The following ADA2 variants were observed in gnomAD, a reference collection of about 807,000 sequenced individuals.
ADA2 encodes adenosine deaminase CECR1.
Under a neutral mutation model 44.2 loss-of-function variants are expected in ADA2, and 29 were observed. The ratio of observed to expected loss-of-function variants is 0.66; its 90% confidence interval spans 0.49 to 0.89. ADA2 has a LOEUF of 0.89. ADA2 is among the 40% of genes least tolerant of loss of function. The pLI, the probability that ADA2 is intolerant of heterozygous loss-of-function variation, is 0.00. For synonymous variants in ADA2, 215 were observed against 234.9 expected, an observed-to-expected ratio of 0.92 and a Z score of 0.77; for missense variants, 637 against 644.8, an observed-to-expected ratio of 0.99 and a Z score of 0.13.
chr22:17,185,007 T>TATATATATATATATA (rs1568969005), intron 7 of ADA2, among the ~76,000 whole-genome samples: 1 of 136,558 alleles, frequency 7.3e-6, no homozygotes, highest in Non-Finnish European at 1.6e-5. Context: ...TATATATATA[T>TATATATATATATATA]GAAAACTCCA....
intron 2 of ADA2, among the ~76,000 whole-genome samples, chr22:17,208,759 C>T (rs1162306329): frequency 6.6e-6 from 1 of 151,904 alleles, no homozygotes; most frequent in African/African-American, 2.4e-5. Flanking sequence ...GCCAAGATCA[C>T]ACCAGTGCAC....
chr22:17,199,654 A>C, intron 4 of ADA2: 1 of 1,612,560 alleles, frequency 6.2e-7, no homozygotes, highest in South Asian at 1.1e-5. Flanking sequence ...GGCTATTAGG[A>C]CGCTCAGAGA....
chr22:17,205,787 T>C (rs2062347897), intron 3 of ADA2, among the ~76,000 whole-genome samples: 1 of 152,150 alleles, frequency 6.6e-6, no homozygotes, highest in Non-Finnish European at 1.5e-5. Flanking sequence ...AAGACCAGCC[T>C]GGGCAACACG....
chr22:17,202,053 G>C, intron 4 of ADA2, among the ~76,000 whole-genome samples: 1 of 137,548 alleles, frequency 7.3e-6, no homozygotes, highest in Non-Finnish European at 1.5e-5. Flanking sequence ...CTCACTGCAA[G>C]CTCCTCCCCC....
intron 5 of ADA2, among the ~76,000 whole-genome samples, chr22:17,191,415 G>A (rs76251083): frequency 0.013 from 1,905 of 152,306 alleles, 43 homozygotes; most frequent in African/African-American, 0.043. Flanking sequence ...GGTCACAGCC[G>A]AGAATTATCT....
In ADA2 at chr22:17,181,775, G is replaced by A. The variant is rs553791075; in HGVS notation, c.1442+45C>T. ...CTCCAGAGAGGCAAACACAAGCTGC[G>A]GGCTGGAAGGAGGCGGGGGACCTGG... On this transcript the variant is annotated intron_variant, in intron 9 of 9. Transcript: ENST00000399837. 6.1e-5 allele frequency: 93 copies of A among 1,527,274 alleles called. No homozygotes were observed. In the East Asian group the frequency reaches 8.5e-4, roughly 14 times the overall value. 94.6% of individuals were successfully genotyped at this position (1,527,274 alleles called of 1,614,324 possible). A position where few individuals can be genotyped will look rare whatever the true frequency, so the allele number is the denominator to read the frequency against.
chr22:17,209,112 G>GAAT (rs1257475776), intron 2 of ADA2, among the ~76,000 whole-genome samples: 1 of 152,058 alleles, frequency 6.6e-6, no homozygotes, highest in Non-Finnish European at 1.5e-5. Context: ...ACTAAAAAGG[G>GAAT]AATAGCAAAG....
intron 7 of ADA2, 85 bp downstream of exon 7, chr22:17,188,254 G>C (rs2062061822): frequency 7.5e-6 from 7 of 929,902 alleles, no homozygotes; most frequent in Non-Finnish European, 1.2e-5. Context: ...ACGCCTGTAG[G>C]CTCTAACCCT....
upstream of ADA2, among the ~76,000 whole-genome samples, chr22:17,220,906 G>A (rs910712772): frequency 1.3e-5 from 2 of 152,198 alleles, no homozygotes; most frequent in African/African-American, 2.4e-5. Flanking sequence ...GGGCTCAGTG[G>A]TGCATGCCTG....
intron 1 of ADA2, among the ~76,000 whole-genome samples, chr22:17,218,193 T>C (rs945030957): frequency 1.3e-5 from 2 of 152,228 alleles, no homozygotes; most frequent in African/African-American, 4.8e-5. Flanking sequence ...TGTTGAAAAA[T>C]TTTTAAGTTA....
At chr22:17,203,826 C>A in intron 3 of ADA2, 53 bp from the exon 4 acceptor site, 1 of 1,283,728 alleles carries the variant, frequency 7.8e-7, no homozygotes, top group South Asian at 1.2e-5. Context: ...GGACACTGCC[C>A]CCGGGCGCCC....
At chr22:17,199,808 A>C in intron 4 of ADA2, 1 of 1,363,378 alleles carries the variant, frequency 7.3e-7, no homozygotes, top group African/African-American at 1.5e-5. Context: ...ATAGCTGGGC[A>C]TGGCTCGCGT....
intron 5 of ADA2, among the ~76,000 whole-genome samples, chr22:17,190,324 C>A (rs547637645): frequency 2.0e-5 from 3 of 152,114 alleles, no homozygotes; most frequent in African/African-American, 7.2e-5. Flanking sequence ...TATTTGTCTG[C>A]GTTTAGAGGA....
At chr22:17,218,111 T>C (rs2062490192) in intron 1 of ADA2, among the ~76,000 whole-genome samples, 1 of 152,194 alleles carries the variant, frequency 6.6e-6, no homozygotes, top group Non-Finnish European at 1.5e-5. Flanking sequence ...ATAGGGGTTA[T>C]GTTGACAGAT....
In ADA2 at chr22:17,181,441, G is replaced by A. The variant is rs368638454; in HGVS notation, c.*42C>T. On this transcript the variant is annotated 3_prime_UTR_variant, in exon 10 of 10. Transcript: ENST00000399837. ...AGAACGAGTGAGAGGAAGTGACAGCGTGTGCAAGAAGACAGCTTGTAGAGG... is the reference window on the plus strand; with the variant it reads ...AGAACGAGTGAGAGGAAGTGACAGCATGTGCAAGAAGACAGCTTGTAGAGG... 32 of 1,243,682 alleles carry A rather than the reference G, an allele frequency of 2.6e-5. No individual in the cohort carries two copies. The highest frequency in any genetic ancestry group is 1.2e-4 in the South Asian group (10 of 83,438). The allele number at this position is 1,243,682 out of a possible 1,614,324, so 77.0% of individuals were successfully genotyped here.
At chr22:17,214,111 G>C in intron 1 of ADA2, 1 of 704,628 alleles carries the variant, frequency 1.4e-6, no homozygotes. Context: ...CAGACACCTG[G>C]ACACACTCAC....
At chr22:17,193,624 C>T (rs564962831) in intron 4 of ADA2, among the ~76,000 whole-genome samples, 9 of 147,950 alleles carry the variant, frequency 6.1e-5, no homozygotes, top group South Asian at 4.3e-4. Context: ...GCCAAGATCG[C>T]GCCATTGCAC....
chr22:17,178,897 A>G lies in ADA2; in HGVS notation c.*2586T>C, dbSNP rs1346844491. The G allele has an allele frequency of 2.0e-5, 3 of 152,184 alleles. No individual in the cohort carries two copies. The highest frequency in any genetic ancestry group is 2.9e-5 in the Non-Finnish European group (2 of 68,044). The allele number at this position is 152,184 out of a possible 1,614,324, so 9.4% of individuals were successfully genotyped here. A position where few individuals can be genotyped will look rare whatever the true frequency, so the allele number is the denominator to read the frequency against. On this transcript the variant is annotated 3_prime_UTR_variant, in exon 10 of 10. Transcript: ENST00000399837. ...GAGGTCCCCTGCGCAGTTGGGACCTAAAAGATCTTCAGGGATTGGGTAAGG... is the reference window on the plus strand; with the variant it reads ...GAGGTCCCCTGCGCAGTTGGGACCTGAAAGATCTTCAGGGATTGGGTAAGG...
intron 1 of ADA2, among the ~76,000 whole-genome samples, chr22:17,217,451 G>C (rs1413799160): frequency 6.6e-6 from 1 of 152,138 alleles, no homozygotes; most frequent in African/African-American, 2.4e-5. Context: ...AACGAGCAGG[G>C]ACTGAAGGAA....
Sources: allele counts gnomAD v4.1 joint callset (sites outside exome capture counted in the v4.1 genomes callset), GRCh38; gene constraint gnomAD v4.1.1; transcripts MANE v1.5; gene names NCBI Gene and HGNC (gene_info 2026-07-23, HGNC 2026-07-21).